MAGI2: variants seen among roughly 807,000 people sequenced by gnomAD.
The protein encoded by MAGI2 is membrane associated guanylate kinase, WW and PDZ domain containing 2.
Under a neutral mutation model 133.3 loss-of-function variants are expected in MAGI2, and 35 were observed. The ratio of observed to expected loss-of-function variants is 0.26; its 90% CI spans 0.20 to 0.35. The LOEUF (loss-of-function observed/expected upper bound fraction) is 0.35, where lower values mean the gene tolerates loss of function less well. MAGI2 is among the 10% of genes least tolerant of loss of function. MAGI2 has a pLI of 1.00. For missense variants in MAGI2, 1,636 were observed against 1,863.4 expected, an observed-to-expected ratio of 0.88 and a Z score of 2.25; for synonymous variants, 729 against 710.6, an observed-to-expected ratio of 1.03 and a Z score of -0.41.
intron 6 of MAGI2, among the ~76,000 whole-genome samples, chr7:78,437,750 A>G (rs78920190): frequency 1.7e-3 from 259 of 152,332 alleles, no homozygotes; most frequent in African/African-American, 5.8e-3. Flanking sequence ...TTTTACATTC[A>G]CAAGTGACAT....
intron 1 of MAGI2, among the ~76,000 whole-genome samples, chr7:79,253,159 T>C (rs971428311): frequency 3.3e-5 from 5 of 152,228 alleles, no homozygotes; most frequent in Non-Finnish European, 5.9e-5. Context: ...AGTGTCATTT[T>C]TATTATATGA....
At chr7:78,772,138 T>C (rs1825642559) in intron 2 of MAGI2, among the ~76,000 whole-genome samples, 1 of 152,190 alleles carries the variant, frequency 6.6e-6, no homozygotes, top group African/African-American at 2.4e-5. Flanking sequence ...TGACACCATC[T>C]TCTCCTCTGC....
chr7:78,285,727 C>T (rs574637621), intron 9 of MAGI2: 7 of 151,824 alleles, frequency 4.6e-5, no homozygotes, highest in African/African-American at 9.7e-5. Context: ...TGTTACAGGG[C>T]GTTTTCTGAT....
At chr7:78,835,571 C>T (rs959168574) in intron 2 of MAGI2, among the ~76,000 whole-genome samples, 1 of 152,164 alleles carries the variant, frequency 6.6e-6, no homozygotes, top group Non-Finnish European at 1.5e-5. Context: ...GCTTAGGGTG[C>T]TCCAAAACCA....
intron 2 of MAGI2, among the ~76,000 whole-genome samples, chr7:78,686,808 A>C (rs1247972535): frequency 1.3e-5 from 2 of 152,302 alleles, no homozygotes; most frequent in African/African-American, 4.8e-5. Flanking sequence ...GGCAGAAGAC[A>C]CAGAAAGCAA....
chr7:78,344,079 C>T (rs753662128), intron 8 of MAGI2, 119 bp from the exon 9 acceptor site: 67 of 777,612 alleles, frequency 8.6e-5, no homozygotes, highest in Non-Finnish European at 1.2e-4. Flanking sequence ...GGGTCTTATA[C>T]AGCAAATGCA....
intron 6 of MAGI2, among the ~76,000 whole-genome samples, chr7:78,397,272 G>A (rs1393187702): frequency 6.6e-6 from 1 of 151,972 alleles, no homozygotes; most frequent in Non-Finnish European, 1.5e-5. Context: ...AAGAAGCAGA[G>A]AAGGATTGAG....
At chr7:78,399,804 C>CAGA (rs772630063) in intron 6 of MAGI2, among the ~76,000 whole-genome samples, 6 of 69,688 alleles carry the variant, frequency 8.6e-5, no homozygotes, top group African/African-American at 3.4e-4. Context: ...GACTTTGTAT[C>CAGA]AAAAAAAAAA....
intron 7 of MAGI2, among the ~76,000 whole-genome samples, chr7:78,354,392 A>T (rs1242938397): frequency 6.6e-6 from 1 of 152,154 alleles, no homozygotes; most frequent in East Asian, 1.9e-4. Context: ...TTGGAGCTTG[A>T]CTCTAAGGAG....
At chr7:78,204,857 A>G (rs547094009) in intron 10 of MAGI2, among the ~76,000 whole-genome samples, 1 of 152,260 alleles carries the variant, frequency 6.6e-6, no homozygotes, top group Non-Finnish European at 1.5e-5. Context: ...TATAGAAACT[A>G]GATGCATTTT....
intron 1 of MAGI2, among the ~76,000 whole-genome samples, chr7:79,143,255 A>G (rs897955423): frequency 2.6e-5 from 4 of 152,194 alleles, no homozygotes; most frequent in Non-Finnish European, 5.9e-5. Context: ...AGATGCAAAC[A>G]GCAGACGGAT....
chr7:78,333,622 G>A (rs1283102704), intron 9 of MAGI2, among the ~76,000 whole-genome samples: 1 of 152,218 alleles, frequency 6.6e-6, no homozygotes, highest in East Asian at 1.9e-4. Context: ...GGCCTTAAGA[G>A]GCCTGACAGC....
At chr7:78,904,580 G>T (rs180749318) in intron 2 of MAGI2, among the ~76,000 whole-genome samples, 2 of 145,670 alleles carry the variant, frequency 1.4e-5, no homozygotes, top group African/African-American at 2.6e-5. Context: ...CTGGAGCACA[G>T]TGGCACCTTC....
intron 2 of MAGI2, among the ~76,000 whole-genome samples, chr7:78,770,551 C>T (rs1307970576): frequency 6.6e-6 from 1 of 152,204 alleles, no homozygotes; most frequent in Non-Finnish European, 1.5e-5. Context: ...GAGCAAAACA[C>T]TAACTGTTCT....
intron 6 of MAGI2, among the ~76,000 whole-genome samples, chr7:78,489,408 T>C (rs1160644466): frequency 2.0e-5 from 3 of 152,060 alleles, no homozygotes; most frequent in Non-Finnish European, 4.4e-5. Context: ...TGCCACAAAC[T>C]GTTTCTCTTA....
At chr7:78,063,876 C>A (rs779089322) in intron 21 of MAGI2, among the ~76,000 whole-genome samples, 6 of 152,104 alleles carry the variant, frequency 3.9e-5, no homozygotes, top group South Asian at 4.1e-4. Flanking sequence ...CATAGCAGAG[C>A]CTTTTTATTA....
chr7:78,607,858 C>T (rs17151130), intron 3 of MAGI2, among the ~76,000 whole-genome samples: 6,965 of 152,230 alleles, frequency 0.046, 224 homozygotes, highest in East Asian at 0.077. Context: ...CTGGTACTCT[C>T]CAAGTTGGCC....
chr7:78,746,491 T>C (rs1418966683), intron 2 of MAGI2, among the ~76,000 whole-genome samples: 1 of 152,198 alleles, frequency 6.6e-6, no homozygotes, highest in East Asian at 1.9e-4. Flanking sequence ...TCATGCTCTA[T>C]GGCTTTACTC....
intron 6 of MAGI2, among the ~76,000 whole-genome samples, chr7:78,426,639 T>C (rs1260454560): frequency 2.6e-5 from 4 of 151,396 alleles, no homozygotes; most frequent in Admixed American, 2.6e-4. Flanking sequence ...AAAAAAGAAA[T>C]GAACAGAGCT....
Sources: gnomAD v4.1 joint callset for allele counts (sites outside exome capture counted in the v4.1 genomes callset) on GRCh38, gnomAD v4.1.1 for gene constraint, MANE v1.5 for transcripts, NCBI Gene and HGNC (gene_info 2026-07-23, HGNC 2026-07-21) for gene names.